The following ST7 variants were observed in gnomAD, a reference collection of about 807,000 sequenced individuals.
The protein encoded by ST7 is suppressor of tumorigenicity 7 protein.
A neutral mutation model predicts 78.7 loss-of-function variants in ST7; 28 were observed. That is an observed-to-expected ratio of 0.36 (90% CI 0.26 to 0.49). ST7 has a LOEUF of 0.49. Ranked by LOEUF, ST7 falls within the 20% of genes least tolerant of loss-of-function variation. The pLI, the probability that ST7 is intolerant of heterozygous loss-of-function variation, is 0.99. For synonymous variants in ST7, 247 were observed against 249.6 expected, an observed-to-expected ratio of 0.99 and a Z score of 0.10; for missense variants, 418 against 696.0, an observed-to-expected ratio of 0.60 and a Z score of 4.49.
Position 117,219,229 on chromosome 7 carries a change from T to C in ST7, c.1498+53T>C. 1 of 1,428,210 alleles carries C rather than the reference T, an allele frequency of 7.0e-7. No homozygotes were observed. Among genetic ancestry groups the C allele is most frequent in the East Asian group, 2.3e-5 (1 of 43,368 alleles). The allele number at this position is 1,428,210 out of a possible 1,614,324, so 88.5% of individuals were successfully genotyped here. On this transcript the variant is annotated intron_variant, in intron 14 of 15. Coordinates refer to ENST00000323984, the MANE Select transcript of ST7 (RefSeq NM_001369598.1). This position sits in a 1 kb window ranked among gnomAD's most constrained non-coding sequence, Gnocchi z 5.1. ...AGGGTGTGTGGTGAAAGGTGGGGAT[T>C]GGAAGAGGTGGGAATATCAAAGTTT...
intron 1 of ST7, chr7:117,080,776 T>C (rs139156225): frequency 5.1e-4 from 77 of 152,348 alleles, no homozygotes; most frequent in African/African-American, 1.9e-3. Flanking sequence ...ACATTCTGCA[T>C]TTAGGTACTT....
At chr7:117,001,315 A>G (rs1386543442) in intron 1 of ST7, among the ~76,000 whole-genome samples, 1 of 83,998 alleles carries the variant, frequency 1.2e-5, no homozygotes, top group Non-Finnish European at 2.3e-5. Context: ...CCAAATTTAA[A>G]GTCTACCTTT....
chr7:117,204,364 T>G (rs907414872), intron 12 of ST7, among the ~76,000 whole-genome samples: 8 of 152,236 alleles, frequency 5.3e-5, no homozygotes, highest in African/African-American at 1.9e-4. Context: ...GTGTTTTTAC[T>G]ATTCCAGTTT....
At chr7:117,215,894 A>G (rs1792654809) in intron 13 of ST7, among the ~76,000 whole-genome samples, 1 of 152,168 alleles carries the variant, frequency 6.6e-6, no homozygotes. Context: ...GCTGGGATTC[A>G]AACTCGGTTC....
chr7:117,067,808 A>G (rs1266999286), intron 1 of ST7, among the ~76,000 whole-genome samples: 4 of 152,222 alleles, frequency 2.6e-5, no homozygotes, highest in African/African-American at 9.6e-5. Context: ...CAATTCAGCT[A>G]CAGTGCTTTG....
At chr7:117,004,206 A>G (rs1795062253) in intron 1 of ST7, among the ~76,000 whole-genome samples, 1 of 152,206 alleles carries the variant, frequency 6.6e-6, no homozygotes, top group Non-Finnish European at 1.5e-5. Context: ...TTGTTAAATT[A>G]GGGAGAAGAA....
intron 1 of ST7, among the ~76,000 whole-genome samples, chr7:117,038,311 A>G (rs1474581295): frequency 1.3e-5 from 2 of 152,198 alleles, no homozygotes; most frequent in Non-Finnish European, 2.9e-5. Flanking sequence ...TGATGCTGTC[A>G]TTTCTTAATG....
intron 1 of ST7, chr7:117,098,548 T>C: frequency 4.2e-6 from 1 of 240,260 alleles, no homozygotes; most frequent in Non-Finnish European, 8.3e-6. Flanking sequence ...CTTGGTCTTC[T>C]AGAGAGTGGG....
chr7:116,979,958 C>CTCTTTTTTTT (rs1554421171), intron 1 of ST7, among the ~76,000 whole-genome samples: 129 of 86,238 alleles, frequency 1.5e-3, no homozygotes, highest in African/African-American at 5.4e-3. Flanking sequence ...TTTTGTTTCT[C>CTCTTTTTTTT]TTTTTTTTTT....
intron 2 of ST7, among the ~76,000 whole-genome samples, chr7:117,112,918 ATCT>A (rs1462612672): frequency 6.6e-6 from 1 of 152,218 alleles, no homozygotes. Flanking sequence ...GAAGTAAATG[ATCT>A]TCTGCAGGGG....
intron 10 of ST7, among the ~76,000 whole-genome samples, chr7:117,183,066 A>T (rs1808909130): frequency 6.6e-6 from 1 of 152,168 alleles, no homozygotes; most frequent in Non-Finnish European, 1.5e-5. Context: ...TGGTAAGATA[A>T]GACATCTTCA....
chr7:117,053,787 T>G (rs1435270471), intron 1 of ST7, among the ~76,000 whole-genome samples: 1 of 151,812 alleles, frequency 6.6e-6, no homozygotes. Flanking sequence ...ATGTATGGTG[T>G]GGGAGAGTGA....
intron 1 of ST7, among the ~76,000 whole-genome samples, chr7:116,994,756 A>G (rs1219337363): frequency 6.6e-6 from 1 of 152,258 alleles, no homozygotes; most frequent in Non-Finnish European, 1.5e-5. Flanking sequence ...ATAATAAAAA[A>G]GAGAAGTATT....
At chr7:117,134,280 C>T (rs1584435888) in intron 7 of ST7, 88 bp downstream of exon 7, 2 of 1,580,038 alleles carry the variant, frequency 1.3e-6, no homozygotes, top group South Asian at 1.1e-5. Flanking sequence ...CATCACCACA[C>T]TTTCTTGCTT....
intron 1 of ST7, chr7:117,015,131 C>T (rs1006127188): frequency 2.9e-5 from 14 of 487,328 alleles, no homozygotes; most frequent in Non-Finnish European, 4.5e-5. Flanking sequence ...TATTGTGCAT[C>T]AGTTTATTCC....
intron 15 of ST7, chr7:117,223,915 T>C: frequency 1.0e-6 from 1 of 972,454 alleles, no homozygotes; most frequent in Non-Finnish European, 1.2e-6. Flanking sequence ...TAATAAATGG[T>C]AGTGGTCTCT....
chr7:117,033,522 C>T (rs781757127), intron 1 of ST7, among the ~76,000 whole-genome samples: 4 of 151,518 alleles, frequency 2.6e-5, no homozygotes, highest in Non-Finnish European at 5.9e-5. Context: ...CTCCTGGGTT[C>T]AGGTGATTCT....
chr7:117,077,019 G>A (rs1799395081), intron 1 of ST7, among the ~76,000 whole-genome samples: 1 of 152,174 alleles, frequency 6.6e-6, no homozygotes, highest in African/African-American at 2.4e-5. Context: ...GGCTCTCAGT[G>A]GAAAGGGGAG....
chr7:117,008,886 T>G (rs1584438865), intron 1 of ST7, among the ~76,000 whole-genome samples: 1 of 152,208 alleles, frequency 6.6e-6, no homozygotes, highest in Non-Finnish European at 1.5e-5. Flanking sequence ...ACTTTTTTTT[T>G]AACATTTTTA....
Sources: allele counts gnomAD v4.1 joint callset (sites outside exome capture counted in the v4.1 genomes callset), GRCh38; gene constraint gnomAD v4.1.1; non-coding constraint Gnocchi (gnomAD v3.1); transcripts MANE v1.5; gene names NCBI Gene and HGNC (gene_info 2026-07-23, HGNC 2026-07-21).